RPTOR: variants seen among roughly 807,000 people sequenced by gnomAD.
RPTOR encodes regulatory-associated protein of mTOR.
A neutral mutation model predicts 169.9 loss-of-function variants in RPTOR; 21 were observed. The observed-to-expected ratio is 0.12, with a 90% confidence interval of 0.09 to 0.18. The LOEUF (loss-of-function observed/expected upper bound fraction) is 0.18. Among genes scored for constraint, RPTOR ranks in the 10% least tolerant of loss-of-function variants. The pLI, the probability that RPTOR is intolerant of heterozygous loss-of-function variation, is 1.00. For missense variants in RPTOR, 1,133 were observed against 1,855.9 expected, an observed-to-expected ratio of 0.61 and a Z score of 7.16; for synonymous variants, 732 against 753.2, an observed-to-expected ratio of 0.97 and a Z score of 0.46.
chr17:80,675,757 C>T (rs565608796), intron 3 of RPTOR, among the ~76,000 whole-genome samples: 3 of 152,320 alleles, frequency 2.0e-5, no homozygotes, highest in East Asian at 1.9e-4. Flanking sequence ...CCAGCACATC[C>T]GTGAATTTCA....
At chr17:80,718,656 G>T (rs1344513527) in intron 4 of RPTOR, among the ~76,000 whole-genome samples, 1 of 152,214 alleles carries the variant, frequency 6.6e-6, no homozygotes, top group Non-Finnish European at 1.5e-5. Context: ...GAGGGGACTG[G>T]AGGGGATGAT....
intron 24 of RPTOR, among the ~76,000 whole-genome samples, chr17:80,929,511 G>A (rs919376499): frequency 6.6e-6 from 1 of 152,240 alleles, no homozygotes; most frequent in Non-Finnish European, 1.5e-5. Flanking sequence ...ACGCTGTTGG[G>A]AGGCATCACA....
intron 1 of RPTOR, among the ~76,000 whole-genome samples, chr17:80,571,587 C>G (rs1247580868): frequency 2.6e-5 from 4 of 152,140 alleles, no homozygotes; most frequent in African/African-American, 9.7e-5. Flanking sequence ...GTGGTGTGAT[C>G]ATAGCTCACT....
Position 80,823,202 on chromosome 17 carries a change from C to G in RPTOR, c.1115C>G (p.Pro372Arg), listed in dbSNP as rs768201076. 6.2e-7 allele frequency: 1 copy of G among 1,614,134 alleles called. No homozygotes were observed. The highest frequency in any genetic ancestry group is 8.5e-7 in the Non-Finnish European group (1 of 1,180,014). Residue 372 changes from proline to arginine, a missense_variant, in exon 9 of 34, where the codon CCC (proline) becomes CGC (arginine). By Grantham distance (103) the Pro-to-Arg change is moderately radical (BLOSUM62 -2). Around this residue, in one of 9 missense-constraint regions of RPTOR, gnomAD observed 289 missense variants for 585.8 expected, o/e 0.49. Coordinates refer to ENST00000306801, the MANE Select transcript of RPTOR (RefSeq NM_020761.3). The surrounding 1 kb of genome is among the most constrained non-coding windows in gnomAD (Gnocchi z 4.5). ...CCCGTCAGCAGCCCGCGTCTGCCGC[C>G]CACGTACATGCACGCCATGTGGTGA... is the stretch of plus-strand genomic sequence containing the variant. Reference protein sequence around the residue: ...CTPVSSPRLPPTYMHAMWQAW... With the variant: ...CTPVSSPRLPRTYMHAMWQAW...
intron 1 of RPTOR, among the ~76,000 whole-genome samples, chr17:80,576,264 A>G (rs1167145977): frequency 1.3e-5 from 2 of 152,058 alleles, no homozygotes; most frequent in African/African-American, 4.8e-5. Context: ...GTTTTTTTAA[A>G]TGCCTTTTTA....
chr17:80,738,122 G>A (rs962120816), intron 5 of RPTOR, among the ~76,000 whole-genome samples: 3 of 152,218 alleles, frequency 2.0e-5, no homozygotes, highest in Non-Finnish European at 4.4e-5. Context: ...GGCCCATGGA[G>A]GATGAGGTCC....
chr17:80,775,267 C>T (rs934657898), intron 6 of RPTOR, among the ~76,000 whole-genome samples: 3 of 152,146 alleles, frequency 2.0e-5, no homozygotes, highest in Admixed American at 2.0e-4. Flanking sequence ...TTGACTTGTT[C>T]TTAGTCTTCT....
intron 13 of RPTOR, among the ~76,000 whole-genome samples, chr17:80,865,578 A>G (rs8076420): frequency 0.041 from 6,260 of 152,254 alleles, 385 homozygotes; most frequent in African/African-American, 0.13. Context: ...ATGCTACGGA[A>G]GTCCATTCAT....
chr17:80,639,059 T>C (rs943941171), intron 2 of RPTOR, among the ~76,000 whole-genome samples: 12 of 152,162 alleles, frequency 7.9e-5, no homozygotes, highest in Non-Finnish European at 1.8e-4. Flanking sequence ...CCTCTCACTG[T>C]ATACAGGACT....
At chr17:80,626,351 C>T (rs959370708) in intron 2 of RPTOR, among the ~76,000 whole-genome samples, 3 of 52,212 alleles carry the variant, frequency 5.7e-5, no homozygotes, top group East Asian at 7.7e-4. Flanking sequence ...CTTTATTACA[C>T]GCCCGGCCAA....
At position 80,823,032 on chromosome 17, in the gene RPTOR, A is replaced by G. The variant is rs1204572091; in HGVS notation, c.992-47A>G. On this transcript the variant is annotated intron_variant, in intron 8 of 33. Transcript: ENST00000306801. The surrounding 1 kb of genome is among the most constrained non-coding windows in gnomAD (Gnocchi z 4.5). ...ATTTGTGTATTTGGCTTTAAATGCT[A>G]GACACAAGTCACTGTAGACTCCTTT... is the stretch of plus-strand genomic sequence containing the variant. 1.5e-5 allele frequency: 23 copies of G among 1,581,736 alleles called. No individual in the cohort carries two copies. The highest frequency in any genetic ancestry group is 2.0e-5 in the Non-Finnish European group (23 of 1,163,336).
intron 28 of RPTOR, among the ~76,000 whole-genome samples, chr17:80,955,745 G>A (rs995952121): frequency 3.9e-5 from 6 of 152,282 alleles, no homozygotes; most frequent in East Asian, 1.9e-4. Context: ...GTGTCCTGCC[G>A]AGAGTGTAGA....
chr17:80,575,035 G>A (rs141838836), intron 1 of RPTOR, among the ~76,000 whole-genome samples: 1 of 150,300 alleles, frequency 6.7e-6, no homozygotes, highest in East Asian at 2.0e-4. Context: ...TACCTTTTCC[G>A]CCATTCTTGA....
intron 20 of RPTOR, among the ~76,000 whole-genome samples, chr17:80,898,127 A>G (rs536055768): frequency 6.6e-6 from 1 of 152,290 alleles, no homozygotes; most frequent in East Asian, 1.9e-4. Context: ...TTTAATGCTG[A>G]TAGGATTATT....
rs2144097688 is a variant in RPTOR at position 80,960,305 on chromosome 17, T to C, written c.3605+100T>C. The C allele has an allele frequency of 6.7e-7, 1 of 1,503,606 alleles. No individual in the cohort carries two copies. The highest frequency in any genetic ancestry group is 9.1e-7 in the Non-Finnish European group (1 of 1,098,442). The allele number at this position is 1,503,606 out of a possible 1,614,324, so 93.1% of individuals were successfully genotyped here. Reference sequence around the variant, plus strand: ...ATTTGGTTGGGTCCAGGTTTCTCAGTGAGATGCAAAGCTTCCCCAGGAGCC... The same window carrying C: ...ATTTGGTTGGGTCCAGGTTTCTCAGCGAGATGCAAAGCTTCCCCAGGAGCC... On this transcript the variant is annotated intron_variant, in intron 30 of 33. Coordinates refer to ENST00000306801, the MANE Select transcript of RPTOR (RefSeq NM_020761.3). This position sits in a 1 kb window ranked among gnomAD's most constrained non-coding sequence, Gnocchi z 4.8.
rs1017232717 is a variant in RPTOR, at chr17:80,609,743, T to C, written c.163-15948T>C. 8.1e-5 allele frequency among the ~76,000 whole-genome samples: 12 copies of C among 148,134 alleles called. No homozygotes were observed. Among genetic ancestry groups the C allele is most frequent in the Admixed American group, 2.7e-4 (4 of 14,876 alleles). ...CTGGGCGACAGAGCGAGATTCTGTC[T>C]CAAAAAAAAAAAAAAGTTTAAGGTG... On this transcript the variant is annotated intron_variant, in intron 1 of 33. Transcript: ENST00000306801. This position sits in a 1 kb window ranked among gnomAD's most constrained non-coding sequence, Gnocchi z 4.8.
intron 5 of RPTOR, chr17:80,743,360 C>G: frequency 6.1e-6 from 6 of 985,404 alleles, no homozygotes; most frequent in Non-Finnish European, 7.2e-6. Context: ...CCACAAGGAC[C>G]GAGGGAGGCC....
chr17:80,563,781 A>T (rs190768318), intron 1 of RPTOR, among the ~76,000 whole-genome samples: 2 of 152,186 alleles, frequency 1.3e-5, no homozygotes, highest in African/African-American at 4.8e-5. Context: ...TCTCACAACC[A>T]GATCCAGAAA....
Position 80,860,667 on chromosome 17 carries a change from C to T in RPTOR, c.1509+2767C>T, listed in dbSNP as rs768558344. 1.3e-5 allele frequency among the ~76,000 whole-genome samples: 2 copies of T among 152,118 alleles called. No individual in the cohort carries two copies. Among genetic ancestry groups the T allele is most frequent in the Non-Finnish European group, 2.9e-5 (2 of 68,030 alleles). ...TCGTACCCAGCACCAGTTGACCTCT[C>T]GCTGGTTCCGCTGATTCTTGTAGAT... On this transcript the variant is annotated intron_variant, in intron 13 of 33. Transcript: ENST00000306801. This position sits in a 1 kb window ranked among gnomAD's most constrained non-coding sequence, Gnocchi z 5.8.
Sources: gnomAD v4.1 joint callset for allele counts (sites outside exome capture counted in the v4.1 genomes callset) on GRCh38, gnomAD v4.1.1 for gene constraint, gnomAD v4.1.1 regional missense constraint, Gnocchi (gnomAD v3.1) non-coding constraint, MANE v1.5 for transcripts, NCBI Gene and HGNC (gene_info 2026-07-23, HGNC 2026-07-21) for gene names.